FBXO16: variants seen among roughly 807,000 people sequenced by gnomAD.
FBXO16 encodes the protein F-box protein 16.
In FBXO16, 31 loss-of-function variants were observed where a neutral mutation model predicts 41.0. The ratio of observed to expected loss-of-function variants is 0.76; its 90% CI spans 0.57 to 1.02. FBXO16 has a LOEUF of 1.02. Ranked by LOEUF, FBXO16 falls within the 50% of genes least tolerant of loss-of-function variation. The pLI is 0.00. For synonymous variants in FBXO16, 133 were observed against 117.8 expected, an observed-to-expected ratio of 1.13 and a Z score of -0.84; for missense variants, 361 against 346.2, an observed-to-expected ratio of 1.04 and a Z score of -0.34.
Position 28,473,792 on chromosome 8 carries a change from T to C in FBXO16, c.115A>G (p.Arg39Gly). 6.2e-7 allele frequency: 1 copy of C among 1,604,588 alleles called. No individual in the cohort carries two copies. Among genetic ancestry groups the C allele is most frequent in the Non-Finnish European group, 8.5e-7 (1 of 1,173,496 alleles). Residue 39 changes from arginine to glycine, a missense_variant, in exon 3 of 9, where the codon AGA (arginine) becomes GGA (glycine). Arg to Gly is a moderately radical substitution (Grantham distance 125). Coordinates refer to ENST00000380254, the MANE Select transcript of FBXO16 (RefSeq NM_172366.4). ...TTTACCCATTTGCCAAGCAGGGCTCTTCTTTCTTCAAATACCTACAGTAAG... is the reference window on the plus strand; with the variant it reads ...TTTACCCATTTGCCAAGCAGGGCTCCTCTTTCTTCAAATACCTACAGTAAG... The part of the protein sequence containing the change: ...LLNDRVFEER[R>G]ALLGKWFDKW...
At chr8:28,463,013 T>G (rs2130154412) in intron 4 of FBXO16, among the ~76,000 whole-genome samples, 1 of 152,366 alleles carries the variant, frequency 6.6e-6, no homozygotes, top group Non-Finnish European at 1.5e-5. Context: ...ACTTCTTTGT[T>G]GTACACTAAT....
chr8:28,473,082 G>A (rs1343150296), intron 3 of FBXO16, among the ~76,000 whole-genome samples: 2 of 152,176 alleles, frequency 1.3e-5, no homozygotes, highest in Middle Eastern at 3.2e-3. Flanking sequence ...TCAGTACCAG[G>A]AAAGCTGATG....
Position 28,463,303 on chromosome 8 carries a change from TTTG to T in FBXO16, c.342+306_342+308del, listed in dbSNP as rs1803171650. On this transcript the variant is annotated intron_variant, in intron 4 of 8. Transcript: ENST00000380254. The stretch of plus-strand genomic sequence containing the variant: ...ATGTGTATATGTATGTTTGTGTGTG[TTTG>T]TGTGTGTGTGTATATGTGTATGTGT... Among the ~76,000 whole-genome samples the T allele has an allele frequency of 2.0e-5, 3 of 151,962 alleles. No individual in the cohort carries two copies. In the South Asian group the frequency reaches 6.2e-4, roughly 32 times the overall value.
chr8:28,464,813 C>T (rs952730086), intron 3 of FBXO16, among the ~76,000 whole-genome samples: 9 of 152,138 alleles, frequency 5.9e-5, no homozygotes, highest in Non-Finnish European at 1.3e-4. Context: ...GCCACCGCAC[C>T]TGGCTAACTT....
At chr8:28,467,098 T>G (rs1427955106) in intron 3 of FBXO16, among the ~76,000 whole-genome samples, 1 of 152,176 alleles carries the variant, frequency 6.6e-6, no homozygotes, top group African/African-American at 2.4e-5. Context: ...ACATCTGGCC[T>G]GGAATTCATT....
chr8:28,457,524 A>C (rs111244251), intron 4 of FBXO16, among the ~76,000 whole-genome samples: 3,503 of 152,306 alleles, frequency 0.023, 156 homozygotes, highest in African/African-American at 0.079. Flanking sequence ...CATGTCTTAC[A>C]TGGTGGCAGG....
chr8:28,446,442 G>A (rs2130112689), intron 7 of FBXO16, among the ~76,000 whole-genome samples: 1 of 151,074 alleles, frequency 6.6e-6, no homozygotes, highest in Admixed American at 6.6e-5. Context: ...CAAAGTACTG[G>A]GATTACAGGC....
chr8:28,433,254 T>C (rs971250624), intron 7 of FBXO16, among the ~76,000 whole-genome samples: 3 of 152,206 alleles, frequency 2.0e-5, no homozygotes, highest in Non-Finnish European at 4.4e-5. Flanking sequence ...GCCGTTATAG[T>C]GTCTTTAAAG....
At chr8:28,474,316 C>CAAAAAAAAAAAAAAAAAAAAAAAAAA in intron 2 of FBXO16, among the ~76,000 whole-genome samples, 13 of 56,656 alleles carry the variant, frequency 2.3e-4, no homozygotes, top group South Asian at 7.0e-4. Context: ...CAGACCCTGT[C>CAAAAAAAAAAAAAAAAAAAAAAAAAA]AAAAAAAAAA....
intron 4 of FBXO16, among the ~76,000 whole-genome samples, chr8:28,457,938 TATA>T: frequency 6.6e-6 from 1 of 152,268 alleles, no homozygotes; most frequent in South Asian, 2.1e-4. Flanking sequence ...TAGCAATATT[TATA>T]ATAATTTACC....
At chr8:28,489,849 A>G (rs1803662825) in intron 1 of FBXO16, among the ~76,000 whole-genome samples, 1 of 152,222 alleles carries the variant, frequency 6.6e-6, no homozygotes, top group Non-Finnish European at 1.5e-5. Flanking sequence ...GAATTTACCC[A>G]TACATTGTAA....
At chr8:28,463,395 T>C (rs961922493) in intron 4 of FBXO16, among the ~76,000 whole-genome samples, 1 of 151,536 alleles carries the variant, frequency 6.6e-6, no homozygotes, top group Non-Finnish European at 1.5e-5. Flanking sequence ...TGTTTGTGTT[T>C]GTATGTATTT....
intron 2 of FBXO16, among the ~76,000 whole-genome samples, chr8:28,482,687 C>T (rs1202598023): frequency 6.6e-6 from 1 of 152,074 alleles, no homozygotes; most frequent in Non-Finnish European, 1.5e-5. Flanking sequence ...TCTCCCGCCT[C>T]AGCCTCCCGA....
intron 7 of FBXO16, among the ~76,000 whole-genome samples, chr8:28,439,763 A>G (rs1802737998): frequency 6.6e-6 from 1 of 152,004 alleles, no homozygotes; most frequent in Non-Finnish European, 1.5e-5. Context: ...AAAAAATTAA[A>G]TTTAAATTTA....
chr8:28,443,067 G>A (rs1563359132), intron 7 of FBXO16, among the ~76,000 whole-genome samples: 2 of 151,278 alleles, frequency 1.3e-5, no homozygotes, highest in African/African-American at 2.4e-5. Context: ...CACCCAGGCT[G>A]GACTGCAGTG....
chr8:28,489,493 A>G (rs1209981147), intron 1 of FBXO16, among the ~76,000 whole-genome samples: 1 of 149,648 alleles, frequency 6.7e-6, no homozygotes, highest in East Asian at 2.0e-4. Flanking sequence ...ATTCCAGACC[A>G]GCCTGGGCAA....
intron 3 of FBXO16, among the ~76,000 whole-genome samples, chr8:28,473,533 A>T (rs1169417797): frequency 6.6e-6 from 1 of 152,194 alleles, no homozygotes; most frequent in South Asian, 2.1e-4. Flanking sequence ...CACAGTGAGG[A>T]GGTGGCTGTC....
At chr8:28,479,663 A>G (rs1332995878) in intron 2 of FBXO16, among the ~76,000 whole-genome samples, 1 of 152,152 alleles carries the variant, frequency 6.6e-6, no homozygotes, top group Non-Finnish European at 1.5e-5. Flanking sequence ...GAGAGCTTCG[A>G]GCATTGCAAA....
intron 1 of FBXO16, among the ~76,000 whole-genome samples, chr8:28,488,428 A>C (rs1395741907): frequency 6.7e-6 from 1 of 150,358 alleles, no homozygotes; most frequent in Non-Finnish European, 1.5e-5. Flanking sequence ...CCCAAGTAGC[A>C]GAGAATATAG....
Sources: gnomAD v4.1 joint callset for allele counts (sites outside exome capture counted in the v4.1 genomes callset) on GRCh38, gnomAD v4.1.1 for gene constraint, MANE v1.5 for transcripts, NCBI Gene and HGNC (gene_info 2026-07-23, HGNC 2026-07-21) for gene names.